Variants in NPAS3 observed in about 807,000 individuals in gnomAD.
NPAS3 encodes the protein neuronal PAS domain-containing protein 3.
NPAS3 carries 14 observed loss-of-function variants against 73.1 expected under a neutral mutation model. That is an observed-to-expected ratio of 0.19 (90% CI 0.13 to 0.30). The LOEUF (loss-of-function observed/expected upper bound fraction) is 0.30, where lower values mean the gene tolerates loss of function less well. NPAS3 is among the 10% of genes least tolerant of loss of function. The pLI, the probability that NPAS3 is intolerant of heterozygous loss-of-function variation, is 1.00. For synonymous variants in NPAS3, 620 were observed against 541.5 expected (o/e 1.14, Z -2.01); for missense variants, 1,096 against 1,250.0 (o/e 0.88, Z 1.86).
chr14:33,718,054 T>C (rs1195356648), intron 6 of NPAS3, among the ~76,000 whole-genome samples: 1 of 152,080 alleles, frequency 6.6e-6, no homozygotes, highest in Non-Finnish European at 1.5e-5. Flanking sequence ...TTTCCAGTTT[T>C]GCAGGCCTGG....
chr14:33,055,225 T>C (rs1490037406), intron 1 of NPAS3, among the ~76,000 whole-genome samples: 1 of 152,238 alleles, frequency 6.6e-6, no homozygotes, highest in Non-Finnish European at 1.5e-5. Context: ...GATGAATTTA[T>C]ATGCTTAAGT....
At chr14:33,624,525 C>A (rs535040730) in intron 5 of NPAS3, among the ~76,000 whole-genome samples, 50 of 149,874 alleles carry the variant, frequency 3.3e-4, no homozygotes, top group African/African-American at 1.2e-3. Flanking sequence ...TAAAGAGAAC[C>A]ACTGGTTTAG....
At chr14:33,384,951 C>T (rs992349795) in intron 4 of NPAS3, among the ~76,000 whole-genome samples, 3 of 152,078 alleles carry the variant, frequency 2.0e-5, no homozygotes, top group African/African-American at 7.2e-5. Context: ...GAAGGCTGCT[C>T]ATCTCTTGGT....
intron 2 of NPAS3, among the ~76,000 whole-genome samples, chr14:33,126,082 C>T (rs77120248): frequency 0.022 from 3,342 of 152,288 alleles, 51 homozygotes; most frequent in Middle Eastern, 0.041. Flanking sequence ...TAACTGGCAA[C>T]TTTAAGAGCC....
chr14:33,346,180 G>A (rs2044718766), intron 3 of NPAS3, among the ~76,000 whole-genome samples: 1 of 150,716 alleles, frequency 6.6e-6, no homozygotes, highest in Non-Finnish European at 1.5e-5. Context: ...AGCTGAAATT[G>A]AGCCACTGCA....
rs116657969 is a variant in NPAS3, at chr14:33,543,847, G to A, written c.469-16274G>A. On this transcript the variant is annotated intron_variant, in intron 4 of 11. Transcript: ENST00000356141. The stretch of plus-strand genomic sequence containing the variant: ...AAGAATCTCTGCCATGAAAGAATGG[G>A]GTCCAAGTCAATTGCACTACATGCT... 8.9e-3 allele frequency among the ~76,000 whole-genome samples: 1,354 copies of A among 151,430 alleles called. 30 individuals carry two copies. The highest frequency in any genetic ancestry group is 0.031 in the African/African-American group (1,276 of 41,368).
chr14:33,403,812 TTCTCTC>T (rs375753954), intron 4 of NPAS3, among the ~76,000 whole-genome samples: 5 of 149,426 alleles, frequency 3.3e-5, no homozygotes, highest in East Asian at 2.0e-4. Flanking sequence ...CTGATGCCCT[TTCTCTC>T]TCTCTCTCTC....
At chr14:33,455,618 A>G (rs2049990737) in intron 4 of NPAS3, among the ~76,000 whole-genome samples, 1 of 152,220 alleles carries the variant, frequency 6.6e-6, no homozygotes. Context: ...TCTGAATATT[A>G]CAGATGCAGC....
chr14:33,793,791 A>G (rs2063433593), intron 9 of NPAS3, 106 bp from the exon 10 acceptor site: 8 of 1,016,212 alleles, frequency 7.9e-6, no homozygotes, highest in Non-Finnish European at 1.1e-5. Flanking sequence ...GGCTTGGTGT[A>G]GGTCCTCCCA....
At chr14:32,984,039 A>G (rs2038004144) in intron 1 of NPAS3, among the ~76,000 whole-genome samples, 1 of 152,190 alleles carries the variant, frequency 6.6e-6, no homozygotes, top group South Asian at 2.1e-4. Flanking sequence ...ATTATTAAGT[A>G]TTGTACAGAA....
At chr14:33,723,790 C>G (rs1374050075) in intron 6 of NPAS3, among the ~76,000 whole-genome samples, 1 of 152,016 alleles carries the variant, frequency 6.6e-6, no homozygotes, top group Non-Finnish European at 1.5e-5. Flanking sequence ...TCTATCAACA[C>G]TCACATCACT....
intron 5 of NPAS3, among the ~76,000 whole-genome samples, chr14:33,591,843 AT>A (rs1193025610): frequency 6.6e-6 from 1 of 152,210 alleles, no homozygotes; most frequent in Non-Finnish European, 1.5e-5. Flanking sequence ...GAGGAAGAAT[AT>A]CCACAAGGAG....
chr14:33,391,285 G>A (rs572777131), intron 4 of NPAS3, among the ~76,000 whole-genome samples: 11 of 145,490 alleles, frequency 7.6e-5, no homozygotes, highest in East Asian at 2.1e-4. Flanking sequence ...CCTCTGCCTC[G>A]CAGGTTTAAG....
At chr14:32,950,520 AAAAT>A (rs2036440723) in intron 1 of NPAS3, among the ~76,000 whole-genome samples, 1 of 152,132 alleles carries the variant, frequency 6.6e-6, no homozygotes, top group Admixed American at 6.6e-5. Context: ...GATCATTTAA[AAAAT>A]AAAACATAGG....
At chr14:33,116,099 T>C (rs2043056926) in intron 2 of NPAS3, among the ~76,000 whole-genome samples, 1 of 152,086 alleles carries the variant, frequency 6.6e-6, no homozygotes, top group African/African-American at 2.4e-5. Flanking sequence ...TGTAAGCTAC[T>C]TGGGTGCCTT....
At chr14:33,180,296 T>C (rs2139434296) in intron 2 of NPAS3, among the ~76,000 whole-genome samples, 1 of 152,276 alleles carries the variant, frequency 6.6e-6, no homozygotes, top group Non-Finnish European at 1.5e-5. Context: ...CAAGCCTTGG[T>C]TCGCCACTTC....
chr14:33,097,311 A>AT (rs2042451008), intron 2 of NPAS3, among the ~76,000 whole-genome samples: 1 of 152,212 alleles, frequency 6.6e-6, no homozygotes, highest in South Asian at 2.1e-4. Flanking sequence ...ATCATATCAT[A>AT]TGTAATCATT....
intron 5 of NPAS3, among the ~76,000 whole-genome samples, chr14:33,601,106 A>G (rs907164341): frequency 1.3e-5 from 2 of 152,180 alleles, no homozygotes; most frequent in Non-Finnish European, 2.9e-5. Context: ...TTTCCTTACT[A>G]TGCAGATCTG....
At chr14:33,306,226 G>T (rs1056057568) in intron 3 of NPAS3, among the ~76,000 whole-genome samples, 3 of 152,018 alleles carry the variant, frequency 2.0e-5, no homozygotes, top group African/African-American at 7.2e-5. Context: ...TTCTAAGAAT[G>T]CCCATTATTT....
Sources: gnomAD v4.1 joint callset for allele counts (sites outside exome capture counted in the v4.1 genomes callset) on GRCh38, gnomAD v4.1.1 for gene constraint, MANE v1.5 for transcripts, NCBI Gene and HGNC (gene_info 2026-07-23, HGNC 2026-07-21) for gene names.